Variants in PTPRK observed in about 807,000 individuals in gnomAD.
PTPRK encodes the protein protein tyrosine phosphatase receptor type K.
A neutral mutation model predicts 178.0 loss-of-function variants in PTPRK; 75 were observed. That is an observed-to-expected ratio of 0.42 (90% CI 0.35 to 0.51). The LOEUF (loss-of-function observed/expected upper bound fraction) is 0.51. Ranked by LOEUF, PTPRK falls within the 20% of genes least tolerant of loss-of-function variation. PTPRK has a pLI of 0.02. For synonymous variants in PTPRK, 637 were observed against 620.6 expected, an observed-to-expected ratio of 1.03 and a Z score of -0.39; for missense variants, 1,441 against 1,797.8, an observed-to-expected ratio of 0.80 and a Z score of 3.59.
intron 2 of PTPRK, among the ~76,000 whole-genome samples, chr6:128,381,550 C>T (rs1837916355): frequency 6.6e-6 from 1 of 152,068 alleles, no homozygotes; most frequent in Non-Finnish European, 1.5e-5. Flanking sequence ...AGATTACTAA[C>T]CGGCCGTGTC....
At chr6:128,184,835 A>T in intron 6 of PTPRK, 110 bp from the exon 7 acceptor site, 2 of 1,107,142 alleles carry the variant, frequency 1.8e-6, no homozygotes, top group Non-Finnish European at 2.5e-6. Context: ...AGAAATGCAT[A>T]ATAAATACTT....
In PTPRK at chr6:128,116,914, A is replaced by AGGCGTGT. The variant is rs1791618416; in HGVS notation, c.1163-26929_1163-26923dup. On this transcript the variant is annotated intron_variant, in intron 7 of 29. Coordinates refer to ENST00000368226, the MANE Select transcript of PTPRK (RefSeq NM_002844.4). The stretch of plus-strand genomic sequence containing the variant: ...GTAATCCCAGCACTTTGGGAGGCCG[A>AGGCGTGT]GGCGTGTGGATCACGAGGTCAGGAG... Among the ~76,000 whole-genome samples the AGGCGTGT allele has an allele frequency of 2.0e-5, 3 of 152,312 alleles. No individual in the cohort carries two copies. The South Asian group carries it at 6.2e-4, about 32-fold the overall frequency.
At chr6:128,316,804 G>A (rs1471527923) in intron 3 of PTPRK, among the ~76,000 whole-genome samples, 2 of 147,830 alleles carry the variant, frequency 1.4e-5, no homozygotes, top group Non-Finnish European at 3.0e-5. Context: ...TGCAACCTCC[G>A]CCTCCTGGTT....
intron 3 of PTPRK, among the ~76,000 whole-genome samples, chr6:128,256,626 C>T (rs1009386956): frequency 1.3e-5 from 2 of 151,690 alleles, no homozygotes; most frequent in East Asian, 2.0e-4. Context: ...TTAGTAGAGA[C>T]GGGGTTTCAC....
chr6:128,322,976 TGG>T, intron 2 of PTPRK, among the ~76,000 whole-genome samples: 1 of 152,070 alleles, frequency 6.6e-6, no homozygotes, highest in African/African-American at 2.4e-5. Flanking sequence ...TTTCCCCACT[TGG>T]AGTCTCACCC....
At chr6:128,210,667 T>C (rs897369500) in intron 6 of PTPRK, among the ~76,000 whole-genome samples, 7 of 152,062 alleles carry the variant, frequency 4.6e-5, no homozygotes, top group Non-Finnish European at 7.4e-5. Context: ...GGATATTTCA[T>C]TTAAGGTCAC....
intron 13 of PTPRK, among the ~76,000 whole-genome samples, chr6:128,017,808 A>ATG (rs1562443623): frequency 9.8e-6 from 1 of 101,914 alleles, no homozygotes; most frequent in African/African-American, 7.4e-5. Flanking sequence ...ATGTGTATAT[A>ATG]TATATATATA....
intron 7 of PTPRK, among the ~76,000 whole-genome samples, chr6:128,099,778 C>T (rs548636091): frequency 1.2e-4 from 19 of 152,096 alleles, no homozygotes; most frequent in Non-Finnish European, 2.7e-4. Context: ...TTTCTGAAGC[C>T]ACCATTTATT....
intron 3 of PTPRK, among the ~76,000 whole-genome samples, chr6:128,249,879 T>C (rs1342865206): frequency 2.6e-5 from 4 of 152,300 alleles, no homozygotes; most frequent in East Asian, 3.9e-4. Flanking sequence ...CCACATGATA[T>C]GGTTTGGCTG....
At chr6:128,436,103 C>T (rs1420025508) in intron 1 of PTPRK, among the ~76,000 whole-genome samples, 3 of 151,502 alleles carry the variant, frequency 2.0e-5, no homozygotes, top group African/African-American at 7.3e-5. Context: ...TTTTTTCAAT[C>T]CAAAAAGATA....
In PTPRK at chr6:128,049,540, T is replaced by C. The variant is rs116800095; in HGVS notation, c.2194+15218A>G. 5.3e-3 allele frequency among the ~76,000 whole-genome samples: 813 copies of C among 152,024 alleles called. 8 individuals are homozygous for C. Among genetic ancestry groups the C allele is most frequent in the African/African-American group, 0.018 (764 of 41,534 alleles). ...TAATATGCTAAATATTATTAAATAA[T>C]ATAAAATAAAAATTCAATTGAAATG... On this transcript the variant is annotated intron_variant, in intron 13 of 29. Coordinates refer to ENST00000368226, the MANE Select transcript of PTPRK (RefSeq NM_002844.4).
chr6:128,040,335 G>A (rs1776963983), intron 13 of PTPRK, among the ~76,000 whole-genome samples: 1 of 152,066 alleles, frequency 6.6e-6, no homozygotes, highest in Admixed American at 6.6e-5. Flanking sequence ...AGATGATGGT[G>A]ATCAGGGTGA....
chr6:128,137,276 C>T (rs1795150161), intron 7 of PTPRK, among the ~76,000 whole-genome samples: 1 of 152,082 alleles, frequency 6.6e-6, no homozygotes, highest in Admixed American at 6.6e-5. Flanking sequence ...TACTTATTGC[C>T]TTAGGGCAAA....
At chr6:128,325,838 T>C (rs1386795393) in intron 2 of PTPRK, among the ~76,000 whole-genome samples, 10 of 152,180 alleles carry the variant, frequency 6.6e-5, no homozygotes, top group African/African-American at 2.4e-4. Flanking sequence ...CAAAGGATTA[T>C]AAATCATTCT....
At chr6:128,240,628 T>A (rs191236244) in intron 4 of PTPRK, among the ~76,000 whole-genome samples, 180 of 152,090 alleles carry the variant, frequency 1.2e-3, no homozygotes, top group African/African-American at 3.9e-3. Flanking sequence ...GATCTTTTTT[T>A]AAAAAAAACA....
chr6:128,400,749 T>A (rs561103058), intron 1 of PTPRK, among the ~76,000 whole-genome samples: 80 of 152,320 alleles, frequency 5.3e-4, no homozygotes, highest in African/African-American at 1.8e-3. Context: ...CCTCAATACA[T>A]GTTCTTGAGT....
intron 2 of PTPRK, among the ~76,000 whole-genome samples, chr6:128,363,458 T>C (rs1055413173): frequency 1.3e-5 from 2 of 152,208 alleles, no homozygotes; most frequent in African/African-American, 4.8e-5. Context: ...CATGGCTAAT[T>C]AGGAACTACA....
At chr6:127,993,294 G>A (rs1164712892) in intron 18 of PTPRK, among the ~76,000 whole-genome samples, 1 of 151,496 alleles carries the variant, frequency 6.6e-6, no homozygotes, top group Non-Finnish European at 1.5e-5. Context: ...CATAATTATA[G>A]ATACACACAT....
At chr6:128,025,470 A>G (rs1169797622) in intron 13 of PTPRK, among the ~76,000 whole-genome samples, 1 of 152,268 alleles carries the variant, frequency 6.6e-6, no homozygotes, top group African/African-American at 2.4e-5. Context: ...ATCTAGCTCA[A>G]ATAAGATCAA....
Sources: gnomAD v4.1 joint callset for allele counts (sites outside exome capture counted in the v4.1 genomes callset) on GRCh38, gnomAD v4.1.1 for gene constraint, MANE v1.5 for transcripts, NCBI Gene and HGNC (gene_info 2026-07-23, HGNC 2026-07-21) for gene names.